CDH12: variants seen among roughly 807,000 people sequenced by gnomAD.
CDH12 encodes cadherin 12, also known as cadherin-12.
Under a neutral mutation model 74.1 loss-of-function variants are expected in CDH12, and 41 were observed. That is an observed-to-expected ratio of 0.55 (90% CI 0.43 to 0.72). CDH12 has a LOEUF of 0.72. CDH12 is among the 30% of genes least tolerant of loss of function. The pLI is 0.00. For missense variants in CDH12, 945 were observed against 977.2 expected, an observed-to-expected ratio of 0.97 and a Z score of 0.44; for synonymous variants, 399 against 355.0, an observed-to-expected ratio of 1.12 and a Z score of -1.39.
intron 3 of CDH12, among the ~76,000 whole-genome samples, chr5:22,349,655 C>T (rs1340313929): frequency 1.3e-5 from 2 of 152,130 alleles, no homozygotes; most frequent in Non-Finnish European, 2.9e-5. Context: ...GTTTGCTCAC[C>T]CCCAAATATG....
At chr5:21,880,616 C>CTTTCTCT (rs1752256319) in intron 6 of CDH12, among the ~76,000 whole-genome samples, 5 of 50,866 alleles carry the variant, frequency 9.8e-5, no homozygotes, top group African/African-American at 3.5e-4. Context: ...TCCTTCCTTC[C>CTTTCTCT]TTCTTTCTTT....
intron 3 of CDH12, among the ~76,000 whole-genome samples, chr5:22,256,678 G>C (rs1483505255): frequency 6.6e-6 from 1 of 152,096 alleles, no homozygotes; most frequent in African/African-American, 2.4e-5. Flanking sequence ...CTTCCAGTGG[G>C]ACAAGATTTG....
chr5:22,004,900 G>A (rs1245364542), intron 5 of CDH12, among the ~76,000 whole-genome samples: 2 of 152,118 alleles, frequency 1.3e-5, no homozygotes, highest in Non-Finnish European at 2.9e-5. Context: ...AGAATATGCA[G>A]TATTTGATTT....
chr5:22,746,831 C>G (rs1745318489), intron 1 of CDH12, among the ~76,000 whole-genome samples: 1 of 152,116 alleles, frequency 6.6e-6, no homozygotes, highest in African/African-American at 2.4e-5. Flanking sequence ...ATGTTTACAT[C>G]AGAATTTTTA....
At chr5:21,985,482 C>T (rs1024151139) in intron 5 of CDH12, among the ~76,000 whole-genome samples, 20 of 152,160 alleles carry the variant, frequency 1.3e-4, no homozygotes, top group African/African-American at 4.8e-4. Flanking sequence ...AGTGGTAAGA[C>T]CCATTACCAT....
At chr5:22,740,425 A>T (rs1364530521) in intron 1 of CDH12, among the ~76,000 whole-genome samples, 1 of 147,704 alleles carries the variant, frequency 6.8e-6, no homozygotes, top group Non-Finnish European at 1.5e-5. Flanking sequence ...TCATTAGGTA[A>T]AAAAAAAAAA....
chr5:21,819,945 G>T (rs1193693925), intron 8 of CDH12, among the ~76,000 whole-genome samples: 3 of 151,936 alleles, frequency 2.0e-5, no homozygotes, highest in South Asian at 4.2e-4. Context: ...TTATGAGTTA[G>T]CTTTACATTT....
chr5:22,690,519 C>T (rs963077291), intron 1 of CDH12, among the ~76,000 whole-genome samples: 1 of 152,066 alleles, frequency 6.6e-6, no homozygotes, highest in African/African-American at 2.4e-5. Flanking sequence ...TCTGGAGATA[C>T]AGATAAAATT....
At chr5:22,135,736 T>C (rs552590563) in intron 4 of CDH12, among the ~76,000 whole-genome samples, 60 of 152,160 alleles carry the variant, frequency 3.9e-4, no homozygotes, top group African/African-American at 1.3e-3. Context: ...TCTGGGAAGC[T>C]GGAACGTCTG....
chr5:22,630,789 G>T (rs1488034992), intron 1 of CDH12, among the ~76,000 whole-genome samples: 4 of 152,202 alleles, frequency 2.6e-5, no homozygotes, highest in Admixed American at 2.6e-4. Flanking sequence ...TTAAAAATGA[G>T]ATTTAAGTAA....
chr5:22,458,981 T>C (rs1265668808), intron 2 of CDH12, among the ~76,000 whole-genome samples: 1 of 152,142 alleles, frequency 6.6e-6, no homozygotes, highest in East Asian at 1.9e-4. Flanking sequence ...AATAGCACTA[T>C]AAAAATGTTG....
chr5:22,239,893 T>A (rs1752687995), intron 3 of CDH12, among the ~76,000 whole-genome samples: 1 of 152,182 alleles, frequency 6.6e-6, no homozygotes, highest in Admixed American at 6.5e-5. Flanking sequence ...AAACTAAGGA[T>A]TAATGTGAGT....
intron 1 of CDH12, among the ~76,000 whole-genome samples, chr5:22,763,515 A>T (rs1027824989): frequency 1.2e-4 from 19 of 152,004 alleles, no homozygotes; most frequent in African/African-American, 4.6e-4. Flanking sequence ...AAACACATGA[A>T]AAAAGTAGCA....
intron 1 of CDH12, among the ~76,000 whole-genome samples, chr5:22,538,425 C>T (rs1737959055): frequency 6.6e-6 from 1 of 152,196 alleles, no homozygotes; most frequent in Non-Finnish European, 1.5e-5. Context: ...ACACCAGCAT[C>T]CTGATATCTT....
At chr5:22,100,613 G>A (rs772844798) in intron 4 of CDH12, among the ~76,000 whole-genome samples, 47 of 149,594 alleles carry the variant, frequency 3.1e-4, no homozygotes, top group Admixed American at 3.0e-3. Flanking sequence ...TCTTACCAGT[G>A]TCACTATGGC....
At chr5:22,222,980 T>G (rs757770334) in intron 3 of CDH12, among the ~76,000 whole-genome samples, 16 of 148,928 alleles carry the variant, frequency 1.1e-4, no homozygotes, top group African/African-American at 3.8e-4. Context: ...ATTTAATATG[T>G]TTTTTTTTCT....
At chr5:22,286,134 C>T (rs1355465395) in intron 3 of CDH12, among the ~76,000 whole-genome samples, 1 of 152,148 alleles carries the variant, frequency 6.6e-6, no homozygotes, top group African/African-American at 2.4e-5. Flanking sequence ...CATTTCATCT[C>T]ATGCATTATT....
intron 1 of CDH12, among the ~76,000 whole-genome samples, chr5:22,698,408 A>G (rs552508692): frequency 1.4e-3 from 213 of 151,512 alleles, no homozygotes; most frequent in Middle Eastern, 0.01. Flanking sequence ...GGAGTGAGCC[A>G]CCGTGTCTGG....
intron 3 of CDH12, among the ~76,000 whole-genome samples, chr5:22,392,755 T>A (rs1488388633): frequency 6.6e-6 from 1 of 152,168 alleles, no homozygotes; most frequent in Admixed American, 6.6e-5. Flanking sequence ...CGTTGGCTGT[T>A]GCAGCAGTCT....
Sources: allele counts gnomAD v4.1 joint callset (sites outside exome capture counted in the v4.1 genomes callset), GRCh38; gene constraint gnomAD v4.1.1; transcripts MANE v1.5; gene names NCBI Gene and HGNC (gene_info 2026-07-23, HGNC 2026-07-21).